The following AKR1C4 variants were observed in gnomAD, a reference collection of about 807,000 sequenced individuals.
AKR1C4 encodes the protein aldo-keto reductase family 1 member C4.
AKR1C4 carries 44 observed loss-of-function variants against 41.0 expected under a neutral mutation model. The observed-to-expected ratio is 1.07, with a 90% CI of 0.84 to 1.38. The LOEUF (loss-of-function observed/expected upper bound fraction) is 1.38. Among genes scored for constraint, AKR1C4 ranks in the 40% most tolerant of loss-of-function variants. The probability of loss-of-function intolerance (pLI) is 0.00; values close to 1 mark genes in which losing one functional copy is unlikely to be tolerated. For missense variants in AKR1C4, 438 were observed against 387.9 expected, an observed-to-expected ratio of 1.13 and a Z score of -1.09; for synonymous variants, 165 against 137.7, an observed-to-expected ratio of 1.20 and a Z score of -1.39.
chr10:5,215,698 G>C, intron 7 of AKR1C4, among the ~76,000 whole-genome samples: 1 of 152,188 alleles, frequency 6.6e-6, no homozygotes, highest in Admixed American at 6.5e-5. Flanking sequence ...GGTATAACAA[G>C]GGTGATCTTT....
chr10:5,213,429 T>A (rs1386969963), intron 7 of AKR1C4, among the ~76,000 whole-genome samples: 2 of 152,102 alleles, frequency 1.3e-5, no homozygotes, highest in Admixed American at 6.5e-5. Flanking sequence ...TCACCTTTTC[T>A]TCATTTTCTG....
At chr10:5,209,699 A>G (rs1339829136) in intron 5 of AKR1C4, among the ~76,000 whole-genome samples, 8 of 152,192 alleles carry the variant, frequency 5.3e-5, no homozygotes, top group African/African-American at 1.9e-4. Flanking sequence ...TCCTCCTTAT[A>G]AAACCATCAG....
At chr10:5,213,987 T>C (rs1832614972) in intron 7 of AKR1C4, among the ~76,000 whole-genome samples, 1 of 151,974 alleles carries the variant, frequency 6.6e-6, no homozygotes, top group African/African-American at 2.4e-5. Flanking sequence ...ATCATGACTT[T>C]TTCTATATTG....
chr10:5,216,489 C>G lies in AKR1C4; in HGVS notation c.847-222C>G, dbSNP rs529397083. On this transcript the variant is annotated intron_variant, in intron 7 of 8. Transcript: ENST00000263126. ...TCTTTAGTTTCTGTTGAGATCTTTT[C>G]TTCAGTTTTGTGCAGTTTCAATATG... Among the ~76,000 whole-genome samples the G allele has an allele frequency of 7.3e-5, 11 of 150,672 alleles. No individual in the cohort carries two copies. In the East Asian group the frequency reaches 2.1e-3, roughly 29 times the overall value.
intron 8 of AKR1C4, among the ~76,000 whole-genome samples, chr10:5,217,184 G>A (rs1554798606): frequency 6.6e-6 from 1 of 152,168 alleles, no homozygotes; most frequent in African/African-American, 2.4e-5. Flanking sequence ...AATCCACTCA[G>A]TTTCTTATCA....
At chr10:5,215,141 A>G (rs1001640788) in intron 7 of AKR1C4, among the ~76,000 whole-genome samples, 2 of 152,240 alleles carry the variant, frequency 1.3e-5, no homozygotes, top group Admixed American at 1.3e-4. Context: ...ACTGGTGTGT[A>G]CATGACTGGT....
rs781875451 is a variant in AKR1C4, at chr10:5,218,772, T to A, written c.*12T>A. On this transcript the variant is annotated 3_prime_UTR_variant, in exon 9 of 9. Transcript: ENST00000263126. ...CAGATGAATATTAGCATAGAGGGTG[T>A]TGCACGACATCTAGCAGAAGGCCCT... The A allele has an allele frequency of 1.9e-6, 3 of 1,602,036 alleles. No individual in the cohort carries two copies. Among genetic ancestry groups the A allele is most frequent in the African/African-American group, 1.3e-5 (1 of 74,638 alleles).
chr10:5,211,910 T>A (rs1233522753), intron 5 of AKR1C4, among the ~76,000 whole-genome samples: 1 of 152,186 alleles, frequency 6.6e-6, no homozygotes, highest in Non-Finnish European at 1.5e-5. Flanking sequence ...AGACAGCTTG[T>A]GCAGGGAAAC....
In AKR1C4 at chr10:5,212,604, G is replaced by A; in HGVS notation, c.571-12G>A. 1 of 1,598,934 alleles carries A rather than the reference G, an allele frequency of 6.3e-7. No individual in the cohort carries two copies. The highest frequency in any genetic ancestry group is 8.5e-7 in the Non-Finnish European group (1 of 1,172,722). On this transcript the variant is annotated splice_polypyrimidine_tract_variant and intron_variant, in intron 5 of 8. Transcript: ENST00000263126. ...GAATTATCTGATGCTTTTCTCTCTT[G>A]ATCATCTAAAGGTAGAATGTCATCC... is the stretch of plus-strand genomic sequence containing the variant.
intron 4 of AKR1C4, 75 bp downstream of exon 4, chr10:5,205,909 A>G: frequency 1.4e-6 from 2 of 1,394,178 alleles, no homozygotes; most frequent in South Asian, 1.3e-5. Context: ...TTCATATGCA[A>G]CATTGGAATA....
intron 1 of AKR1C4, among the ~76,000 whole-genome samples, chr10:5,199,922 C>A (rs1832371132): frequency 1.3e-5 from 2 of 152,298 alleles, no homozygotes; most frequent in East Asian, 3.9e-4. Context: ...ACTTAAAGAA[C>A]AAAACTAAAA....
rs139370478 is a variant in AKR1C4, at chr10:5,200,323, G to A, written c.227G>A (p.Arg76Lys). 8.1e-6 allele frequency: 13 copies of A among 1,614,062 alleles called. 2 individuals carry two copies. The South Asian group carries it at 1.3e-4, about 16-fold the overall frequency. Reference protein sequence around the residue: ...RSKIADGSVKREDIFYTSKLW... With the variant: ...RSKIADGSVKKEDIFYTSKLW... ...AAGATTGCAGATGGCAGTGTGAAGA[G>A]AGAAGACATATTCTACACTTCAAAG... Residue 76 changes from arginine to lysine, a missense_variant, in exon 2 of 9, where the codon AGA becomes AAA. Transcript: ENST00000263126.
In AKR1C4 at chr10:5,216,804, T is replaced by G. The variant is rs1554798565; in HGVS notation, c.929+11T>G. On this transcript the variant is annotated intron_variant, in intron 8 of 8. Coordinates refer to ENST00000263126, the MANE Select transcript of AKR1C4 (RefSeq NM_001818.5). ...TGTTGTCATGGATTTGTAAGTAACT[T>G]TGGAAAATGGGTTTCCCAGTTTATT... The G allele has an allele frequency of 1.3e-6, 2 of 1,591,802 alleles. No individual in the cohort carries two copies. The highest frequency in any genetic ancestry group is 2.2e-5 in the South Asian group (2 of 89,116).
chr10:5,207,744 G>A (rs1832511276), intron 5 of AKR1C4: 2 of 449,732 alleles, frequency 4.4e-6, no homozygotes, highest in Admixed American at 5.8e-5. Flanking sequence ...AATATAAAAA[G>A]ATGAATATGA....
intron 5 of AKR1C4, among the ~76,000 whole-genome samples, chr10:5,211,848 C>T (rs1282186454): frequency 4.6e-5 from 7 of 152,132 alleles, no homozygotes; most frequent in African/African-American, 9.7e-5. Context: ...ACAATCATGG[C>T]AGAAGGCAAA....
intron 2 of AKR1C4, 138 bp from the exon 3 acceptor site, chr10:5,204,239 A>G (rs1832450214): frequency 3.0e-6 from 2 of 675,722 alleles, no homozygotes; most frequent in South Asian, 3.6e-5. Flanking sequence ...GGTAGGTCAT[A>G]TCAAAATAAA....
chr10:5,206,028 G>C (rs1174953541), intron 4 of AKR1C4, among the ~76,000 whole-genome samples, 194 bp downstream of exon 4: 1 of 152,142 alleles, frequency 6.6e-6, no homozygotes, highest in Non-Finnish European at 1.5e-5. Flanking sequence ...GAGATAAACT[G>C]GGGACAAGGA....
At chr10:5,199,008 G>A (rs1232572393) in intron 1 of AKR1C4, among the ~76,000 whole-genome samples, 1 of 152,148 alleles carries the variant, frequency 6.6e-6, no homozygotes, top group Non-Finnish European at 1.5e-5. Flanking sequence ...GTGACAGAGT[G>A]AGACTCTGTC....
chr10:5,215,702 G>A (rs536123823), intron 7 of AKR1C4, among the ~76,000 whole-genome samples: 1 of 152,340 alleles, frequency 6.6e-6, no homozygotes, highest in East Asian at 1.9e-4. Flanking sequence ...TAACAAGGGT[G>A]ATCTTTGTTC....
Sources: allele counts gnomAD v4.1 joint callset (sites outside exome capture counted in the v4.1 genomes callset), GRCh38; gene constraint gnomAD v4.1.1; transcripts MANE v1.5; gene names NCBI Gene and HGNC (gene_info 2026-07-23, HGNC 2026-07-21).